TTBK2: variants seen among roughly 807,000 people sequenced by gnomAD.
TTBK2 encodes tau tubulin kinase 2.
In TTBK2, 28 loss-of-function variants were observed where a neutral mutation model predicts 110.8. The observed-to-expected ratio is 0.25, with a 90% CI of 0.19 to 0.35. The LOEUF (loss-of-function observed/expected upper bound fraction) is 0.35. Among genes scored for constraint, TTBK2 ranks in the 10% least tolerant of loss-of-function variants. The probability of loss-of-function intolerance (pLI) is 1.00; values close to 1 mark genes in which losing one functional copy is unlikely to be tolerated. For missense variants in TTBK2, 1,369 were observed against 1,500.3 expected, an observed-to-expected ratio of 0.91 and a Z score of 1.45; for synonymous variants, 532 against 527.3, an observed-to-expected ratio of 1.01 and a Z score of -0.12.
At chr15:42,795,256 CA>C (rs200176407) in intron 9 of TTBK2, among the ~76,000 whole-genome samples, 38 of 139,090 alleles carry the variant, frequency 2.7e-4, no homozygotes, top group African/African-American at 1.0e-3. Context: ...TGCTTTCCTT[CA>C]TTTTTTTTTT....
chr15:42,842,059 A>C (rs1430322484), intron 3 of TTBK2, among the ~76,000 whole-genome samples: 1 of 152,094 alleles, frequency 6.6e-6, no homozygotes, highest in Non-Finnish European at 1.5e-5. Flanking sequence ...AAAATGAAAC[A>C]TTAATTATTA....
At chr15:42,816,232 T>G (rs2140945216) in intron 7 of TTBK2, among the ~76,000 whole-genome samples, 1 of 148,510 alleles carries the variant, frequency 6.7e-6, no homozygotes, top group Middle Eastern at 3.4e-3. Context: ...TTCTTTTGCC[T>G]CAGCCTCCTG....
chr15:42,819,292 C>G (rs1892187257), intron 6 of TTBK2, among the ~76,000 whole-genome samples: 1 of 151,420 alleles, frequency 6.6e-6, no homozygotes, highest in Non-Finnish European at 1.5e-5. Context: ...CATGGTGAAA[C>G]CCCATCTCTA....
intron 2 of TTBK2, among the ~76,000 whole-genome samples, chr15:42,878,217 C>T (rs972052680): frequency 1.3e-5 from 2 of 150,978 alleles, no homozygotes; most frequent in Non-Finnish European, 3.0e-5. Context: ...CTCCTGACCT[C>T]GTGATCCGCC....
At chr15:42,842,797 T>G (rs532815657) in intron 3 of TTBK2, among the ~76,000 whole-genome samples, 3 of 152,194 alleles carry the variant, frequency 2.0e-5, no homozygotes, top group African/African-American at 7.2e-5. Context: ...ATTCTCTATG[T>G]TTTTGTTTAT....
At chr15:42,881,670 G>A (rs911851214) in intron 1 of TTBK2, among the ~76,000 whole-genome samples, 2 of 151,914 alleles carry the variant, frequency 1.3e-5, no homozygotes, top group African/African-American at 2.4e-5. Context: ...TCAGGAGTTC[G>A]AGACCAGCCT....
chr15:42,870,941 G>A (rs1168129970), intron 3 of TTBK2, among the ~76,000 whole-genome samples: 1 of 151,886 alleles, frequency 6.6e-6, no homozygotes, highest in Admixed American at 6.6e-5. Flanking sequence ...TAAAGGGTTA[G>A]CATCTGGTTA....
At chr15:42,761,858 T>C (rs761153332) in intron 13 of TTBK2, among the ~76,000 whole-genome samples, 1 of 152,212 alleles carries the variant, frequency 6.6e-6, no homozygotes, top group South Asian at 2.1e-4. Context: ...GGTGTAACGG[T>C]TTGGCTGTGT....
At chr15:42,904,090 T>C (rs1244552263) in intron 1 of TTBK2, among the ~76,000 whole-genome samples, 2 of 152,188 alleles carry the variant, frequency 1.3e-5, no homozygotes, top group African/African-American at 2.4e-5. Flanking sequence ...GGTCTTGTGA[T>C]TGCTGCAGCA....
chr15:42,873,073 C>T (rs1465991469), intron 2 of TTBK2, among the ~76,000 whole-genome samples: 2 of 152,170 alleles, frequency 1.3e-5, no homozygotes, highest in Admixed American at 1.3e-4. Context: ...TCACTTCCCA[C>T]AAATGCCAGT....
In TTBK2 at chr15:42,893,937, C is replaced by G. The variant is rs140735548; in HGVS notation, c.-67-15253G>C. On this transcript the variant is annotated intron_variant, in intron 1 of 14. Coordinates refer to ENST00000267890, the MANE Select transcript of TTBK2 (RefSeq NM_173500.4). ...GAAAGGGACCTCCTTAATAGTCCTA[C>G]TAAAAAAATATGGGCATGATATGGT... Among the ~76,000 whole-genome samples, 721 of 152,234 alleles carry G rather than the reference C, an allele frequency of 4.7e-3. 3 individuals carry two copies. Among genetic ancestry groups the G allele is most frequent in the Admixed American group, 7.8e-3 (120 of 15,290 alleles).
chr15:42,871,809 C>A (rs1894626596), intron 3 of TTBK2, among the ~76,000 whole-genome samples: 1 of 152,148 alleles, frequency 6.6e-6, no homozygotes, highest in Non-Finnish European at 1.5e-5. Flanking sequence ...CTAAAAATTA[C>A]TATAAAAACA....
intron 4 of TTBK2, among the ~76,000 whole-genome samples, chr15:42,833,810 C>T (rs1271518287): frequency 1.3e-5 from 2 of 152,052 alleles, no homozygotes; most frequent in Non-Finnish European, 2.9e-5. Flanking sequence ...GATATCGAGA[C>T]CATCCTGGCC....
At chr15:42,796,306 A>C (rs1261063688) in intron 9 of TTBK2, among the ~76,000 whole-genome samples, 1 of 152,214 alleles carries the variant, frequency 6.6e-6, no homozygotes, top group African/African-American at 2.4e-5. Flanking sequence ...CGGGAGGCTG[A>C]GGCACAAGAA....
intron 13 of TTBK2, among the ~76,000 whole-genome samples, chr15:42,770,178 T>C (rs1411523144): frequency 1.3e-5 from 2 of 152,044 alleles, no homozygotes; most frequent in Non-Finnish European, 2.9e-5. Context: ...CACACCAACA[T>C]GGCACATGTA....
At chr15:42,864,352 A>G (rs1014146692) in intron 3 of TTBK2, among the ~76,000 whole-genome samples, 1 of 152,198 alleles carries the variant, frequency 6.6e-6, no homozygotes, top group Non-Finnish European at 1.5e-5. Flanking sequence ...TGGGAGGCCA[A>G]AGCAGGCAGA....
At chr15:42,816,085 A>AATAAATATAT (rs1397691949) in intron 7 of TTBK2, among the ~76,000 whole-genome samples, 12 of 67,444 alleles carry the variant, frequency 1.8e-4, no homozygotes, top group African/African-American at 6.1e-4. Flanking sequence ...TAAATAAATA[A>AATAAATATAT]ATATATATAT....
chr15:42,902,539 C>T (rs142879816), intron 1 of TTBK2, among the ~76,000 whole-genome samples: 12 of 151,724 alleles, frequency 7.9e-5, no homozygotes, highest in African/African-American at 2.2e-4. Context: ...TAAAAAAAAA[C>T]CACAATGAGA....
rs1438083485 is a variant in TTBK2, at chr15:42,744,992, T to C, written c.*803A>G. ...GAAGGCTATTAACCCACACTTTCTT[T>C]CTCTCCCTAAACACTAAAGCCTGCA... On this transcript the variant is annotated 3_prime_UTR_variant, in exon 15 of 15. Transcript: ENST00000267890. The C allele has an allele frequency of 2.6e-5, 4 of 154,448 alleles. No individual in the cohort carries two copies. In the East Asian group the frequency reaches 7.7e-4, roughly 30 times the overall value. 9.6% of individuals were successfully genotyped at this position (154,448 alleles called of 1,614,324 possible). A position where few individuals can be genotyped will look rare whatever the true frequency, so the allele number is the denominator to read the frequency against.
Sources: gnomAD v4.1 joint callset for allele counts (sites outside exome capture counted in the v4.1 genomes callset) on GRCh38, gnomAD v4.1.1 for gene constraint, MANE v1.5 for transcripts, NCBI Gene and HGNC (gene_info 2026-07-23, HGNC 2026-07-21) for gene names.